Variants in EML5 observed in about 807,000 individuals in gnomAD.
EML5 encodes the protein EMAP like 5.
A neutral mutation model predicts 250.0 loss-of-function variants in EML5; 120 were observed. That is an observed-to-expected ratio of 0.48 (90% CI 0.41 to 0.56). The LOEUF (loss-of-function observed/expected upper bound fraction) is 0.56. EML5 is among the 20% of genes least tolerant of loss of function. The pLI, the probability that EML5 is intolerant of heterozygous loss-of-function variation, is 0.00. For missense variants in EML5, 2,006 were observed against 2,437.6 expected, an observed-to-expected ratio of 0.82 and a Z score of 3.73; for synonymous variants, 771 against 806.5, an observed-to-expected ratio of 0.96 and a Z score of 0.75.
chr14:88,627,976 A>G, intron 33 of EML5, 157 bp from the exon 34 acceptor site: 1 of 780,656 alleles, frequency 1.3e-6, no homozygotes, highest in African/African-American at 1.7e-5. Context: ...TAAATTTAAG[A>G]AAGGAAAAGG....
At chr14:88,704,068 T>C (rs553142536) in intron 13 of EML5, among the ~76,000 whole-genome samples, 1 of 152,332 alleles carries the variant, frequency 6.6e-6, no homozygotes, top group Non-Finnish European at 1.5e-5. Context: ...ATATTTGTGC[T>C]GTCCAAATCC....
intron 21 of EML5, among the ~76,000 whole-genome samples, chr14:88,678,385 C>T (rs901402758): frequency 6.6e-6 from 1 of 152,086 alleles, no homozygotes; most frequent in Non-Finnish European, 1.5e-5. Context: ...CATCATGGCA[C>T]ACGTTTCCCT....
In EML5 at chr14:88,746,354, T is replaced by C. The variant is rs1267461636; in HGVS notation, c.358-71A>G. The C allele has an allele frequency of 3.9e-6, 5 of 1,268,664 alleles. No homozygotes were observed. In the East Asian group the frequency reaches 9.3e-5, roughly 24 times the overall value. 78.6% of individuals were successfully genotyped at this position (1,268,664 alleles called of 1,614,324 possible). On this transcript the variant is annotated intron_variant, in intron 2 of 43. Coordinates refer to ENST00000554922, the MANE Select transcript of EML5 (RefSeq NM_183387.3). ...AATCAAAGAGAAACTGAATTACAAA[T>C]AGCAAAGAAATTATACTCATGGGTT...
intron 21 of EML5, among the ~76,000 whole-genome samples, chr14:88,677,673 C>G (rs1267170160): frequency 6.6e-6 from 1 of 152,208 alleles, no homozygotes; most frequent in African/African-American, 2.4e-5. Flanking sequence ...GACATTTATG[C>G]AGCTGAGAAA....
Position 88,658,366 on chromosome 14 carries a change from C to G in EML5, c.3698G>C (p.Arg1233Thr), listed in dbSNP as rs2091948421. The G allele has an allele frequency of 6.3e-7, 1 of 1,599,898 alleles. No homozygotes were observed. Among genetic ancestry groups the G allele is most frequent in the Non-Finnish European group, 8.5e-7 (1 of 1,173,290 alleles). ...GACATGTGTACTATGGGCCACATAC[C>G]TCTTAAACTTTCCAAATTTCCCCTA... The part of the protein sequence containing the change: ...PTKGKFGKFK[R>T]YVAHSTHVTN... The change falls in exon 26 of 44, where the codon AGG becomes ACG. Residue 1233 changes from arginine to threonine, a missense_variant. Arg to Thr is a moderately conservative substitution (Grantham distance 71). Transcript: ENST00000554922.
chr14:88,626,806 A>G, intron 35 of EML5, 32 bp downstream of exon 35: 1 of 1,608,774 alleles, frequency 6.2e-7, no homozygotes, highest in Non-Finnish European at 8.5e-7. Flanking sequence ...AAAGTAGTCA[A>G]AGTCACACTA....
At chr14:88,658,111 C>T in intron 26 of EML5, 76 bp downstream of exon 26, 1 of 1,434,688 alleles carries the variant, frequency 7.0e-7, no homozygotes, top group South Asian at 1.2e-5. Context: ...TTATTACTTG[C>T]TTTAACTTCC....
chr14:88,702,826 T>C (rs2093241736), intron 13 of EML5, among the ~76,000 whole-genome samples, 194 bp from the exon 14 acceptor site: 3 of 152,110 alleles, frequency 2.0e-5, no homozygotes, highest in Admixed American at 2.0e-4. Flanking sequence ...GTGACTGCAG[T>C]TCCCTGCAAT....
chr14:88,721,766 T>C (rs1700648031), intron 8 of EML5, among the ~76,000 whole-genome samples: 1 of 152,116 alleles, frequency 6.6e-6, no homozygotes, highest in Admixed American at 6.5e-5. Context: ...AATTGACAAA[T>C]GTGATCTAAT....
At chr14:88,716,753 A>ACT (rs1342437952) in intron 8 of EML5, among the ~76,000 whole-genome samples, 2 of 151,868 alleles carry the variant, frequency 1.3e-5, no homozygotes, top group African/African-American at 2.4e-5. Context: ...ACACACACAC[A>ACT]CACACACACA....
chr14:88,692,649 T>C (rs1363653939), intron 17 of EML5, among the ~76,000 whole-genome samples: 1 of 152,196 alleles, frequency 6.6e-6, no homozygotes, highest in African/African-American at 2.4e-5. Flanking sequence ...TCTGATGCCA[T>C]GAGGTACAAC....
chr14:88,792,570 C>A lies in EML5; in HGVS notation c.-67G>T. 8.3e-7 allele frequency: 1 copy of A among 1,207,990 alleles called. No homozygotes were observed. Among genetic ancestry groups the A allele is most frequent in the Non-Finnish European group, 1.0e-6 (1 of 969,068 alleles). 74.8% of individuals were successfully genotyped at this position (1,207,990 alleles called of 1,614,324 possible). On this transcript the variant is annotated 5_prime_UTR_variant, in exon 1 of 44. Transcript: ENST00000554922. The surrounding 1 kb of genome is among the most constrained non-coding windows in gnomAD (Gnocchi z 6.9). ...GCGACGGGAGGCGGCGGCGGCCCGG[C>A]AACGAAAGCCCTCCCGCTGGCTGCC...
At chr14:88,654,288 G>T (rs2091773671) in intron 27 of EML5, among the ~76,000 whole-genome samples, 1 of 151,964 alleles carries the variant, frequency 6.6e-6, no homozygotes, top group South Asian at 2.1e-4. Flanking sequence ...TCCTTCAGTT[G>T]TGCTCTGATC....
At chr14:88,791,273 C>A (rs193122876) in intron 1 of EML5, among the ~76,000 whole-genome samples, 12 of 152,298 alleles carry the variant, frequency 7.9e-5, no homozygotes, top group Admixed American at 5.2e-4. Context: ...CAATTTAAAT[C>A]CTGTGCAACA....
At chr14:88,689,825 A>G (rs1233608199) in intron 17 of EML5, among the ~76,000 whole-genome samples, 1 of 152,232 alleles carries the variant, frequency 6.6e-6, no homozygotes, top group African/African-American at 2.4e-5. Flanking sequence ...TGAACAGAAC[A>G]GGCAAGACAA....
intron 1 of EML5, among the ~76,000 whole-genome samples, chr14:88,762,677 G>A (rs1389683363): frequency 6.6e-6 from 1 of 152,132 alleles, no homozygotes; most frequent in Admixed American, 6.5e-5. Flanking sequence ...GACATTGACA[G>A]AACTCTCCAC....
rs756868455 is a variant in EML5, at chr14:88,706,399, T to G, written c.1685A>C (p.His562Pro). 6.3e-7 allele frequency: 1 copy of G among 1,588,296 alleles called. No individual in the cohort carries two copies. The highest frequency in any genetic ancestry group is 8.6e-7 in the Non-Finnish European group (1 of 1,169,486). The change falls in exon 11 of 44, where the codon CAT (histidine) becomes CCT (proline). Residue 562 changes from histidine (H) to proline (P), a missense_variant. His to Pro is a moderately conservative substitution (Grantham distance 77). Transcript: ENST00000554922. ...KGAKFRKYIG[H>P]SAHVTNVRWS... Reference sequence around the variant, plus strand: ...TCTGACATTAGTTACGTGAGCTGAATGGCCAATATATTTTCTAAACTTGGC... The same window carrying G: ...TCTGACATTAGTTACGTGAGCTGAAGGGCCAATATATTTTCTAAACTTGGC...
intron 14 of EML5, among the ~76,000 whole-genome samples, chr14:88,700,936 T>C (rs2093195551): frequency 6.6e-6 from 1 of 152,170 alleles, no homozygotes; most frequent in Admixed American, 6.5e-5. Flanking sequence ...GAGTTACTCA[T>C]AGTTCTTTAA....
At position 88,621,117 on chromosome 14, in the gene EML5, T is replaced by A; in HGVS notation, c.5198A>T (p.Asp1733Val). ...AAAAAAATTATCTGTACTTACTTTA[T>A]CAGCAATATCCCAAAGTCTCACTGT... is the stretch of plus-strand genomic sequence containing the variant. The part of the protein sequence containing the change: ...DGTVRLWDIA[D>V]KKMLNKVNLG... Residue 1733 changes from aspartate to valine, a missense_variant, in exon 38 of 44, where the codon GAT (aspartate) becomes GTT (valine). By Grantham distance (152) the Asp-to-Val change is radical. Transcript: ENST00000554922. 6.2e-7 allele frequency: 1 copy of A among 1,613,512 alleles called. No individual in the cohort carries two copies. The highest frequency in any genetic ancestry group is 8.5e-7 in the Non-Finnish European group (1 of 1,179,744).
Sources: gnomAD v4.1 joint callset for allele counts (sites outside exome capture counted in the v4.1 genomes callset) on GRCh38, gnomAD v4.1.1 for gene constraint, Gnocchi (gnomAD v3.1) non-coding constraint, MANE v1.5 for transcripts, NCBI Gene and HGNC (gene_info 2026-07-23, HGNC 2026-07-21) for gene names.